The following MED12L variants were observed in gnomAD, a reference collection of about 807,000 sequenced individuals.
MED12L encodes the protein mediator of RNA polymerase II transcription subunit 12-like protein.
A neutral mutation model predicts 281.3 loss-of-function variants in MED12L; 60 were observed. That is an observed-to-expected ratio of 0.21 (90% CI 0.17 to 0.26). The LOEUF is 0.26. MED12L is among the 10% of genes least tolerant of loss of function. The probability of loss-of-function intolerance (pLI) is 1.00; values close to 1 mark genes in which losing one functional copy is unlikely to be tolerated. For missense variants in MED12L, 2,146 were observed against 2,680.9 expected, an observed-to-expected ratio of 0.80 and a Z score of 4.41; for synonymous variants, 974 against 987.2, an observed-to-expected ratio of 0.99 and a Z score of 0.25.
At chr3:151,116,893 C>T (rs573698252) in intron 3 of MED12L, among the ~76,000 whole-genome samples, 5 of 152,232 alleles carry the variant, frequency 3.3e-5, no homozygotes, top group Non-Finnish European at 5.9e-5. Flanking sequence ...TCGCTTGGTC[C>T]GGGTGGTGTC....
rs189642640 is a variant in MED12L at position 151,192,592 on chromosome 3, A to T, written c.2011A>T (p.Thr671Ser). The T allele has an allele frequency of 1.8e-5, 28 of 1,536,366 alleles. No individual in the cohort carries two copies. The African/African-American group carries it at 2.9e-4, about 16-fold the overall frequency. Reference protein sequence around the residue: ...MAHMGIDSGTTNIFDEVDKSD... With the variant: ...MAHMGIDSGTSNIFDEVDKSD... ...GCATATGGGCATTGACTCAGGAACC[A>T]CTAACATTTTTGATGAAGTAGACAA... is the stretch of plus-strand genomic sequence containing the variant. The change falls in exon 15 of 45, where the codon ACT (threonine) becomes TCT (serine). Residue 671 changes from threonine (T) to serine (S), a missense_variant. By Grantham distance (58) the Thr-to-Ser change is moderately conservative. Transcript: ENST00000687756.
chr3:151,330,365 C>G (rs532928042), intron 16 of MED12L, among the ~76,000 whole-genome samples: 2 of 152,110 alleles, frequency 1.3e-5, no homozygotes, highest in Non-Finnish European at 2.9e-5. Context: ...TGGTGTATTT[C>G]GAGTGCAGAG....
chr3:151,385,995 G>A (rs1244385948), intron 36 of MED12L, among the ~76,000 whole-genome samples: 2 of 152,148 alleles, frequency 1.3e-5, no homozygotes, highest in African/African-American at 2.4e-5. Flanking sequence ...TGAGATTTGT[G>A]TGACATGGTA....
Position 151,086,932 on chromosome 3 carries a change from C to T in MED12L, c.6C>T (p.Ala2=). The change falls in exon 2 of 45, where the codon GCC becomes GCT. Residue 2 remains alanine (A), a synonymous_variant. Coordinates refer to ENST00000687756, the MANE Select transcript of MED12L (RefSeq NM_001393769.1). M[A]AFGLLSYEQR... ...GCCGGTTAACATGAGAGATCATGGC[C>T]GCCTTCGGGCTTCTCAGCTATGAGC... The T allele has an allele frequency of 3.8e-6, 6 of 1,595,138 alleles. No homozygotes were observed. Among genetic ancestry groups the T allele is most frequent in the Non-Finnish European group, 5.1e-6 (6 of 1,171,854 alleles).
chr3:151,179,350 G>A lies in MED12L; in HGVS notation c.1495-5980G>A, dbSNP rs1722447879. ...GCCAGACCGAAAAAAAAAAGGGCGGGGGGTTAATCATAAGAGAAACATATA... is the reference window on the plus strand; with the variant it reads ...GCCAGACCGAAAAAAAAAAGGGCGGAGGGTTAATCATAAGAGAAACATATA... On this transcript the variant is annotated intron_variant, in intron 11 of 44. Transcript: ENST00000687756. Among the ~76,000 whole-genome samples the A allele has an allele frequency of 1.3e-5, 2 of 152,140 alleles. 1 individual carries two copies. Among genetic ancestry groups the A allele is most frequent in the Non-Finnish European group, 2.9e-5 (2 of 68,014 alleles).
At chr3:151,432,679 G>A in intron 44 of MED12L, 73 bp from the exon 45 acceptor site, 2 of 1,104,480 alleles carry the variant, frequency 1.8e-6, no homozygotes, top group Non-Finnish European at 2.7e-6. Flanking sequence ...TGAGAGCAGT[G>A]ACAAGAGGGT....
intron 23 of MED12L, among the ~76,000 whole-genome samples, chr3:151,366,717 C>T (rs1475317204): frequency 6.6e-6 from 1 of 152,132 alleles, no homozygotes; most frequent in Non-Finnish European, 1.5e-5. Context: ...TTCTGCTAAT[C>T]AGGACTGGTT....
chr3:151,240,625 C>CT (rs78129789), intron 16 of MED12L, among the ~76,000 whole-genome samples: 8,660 of 152,252 alleles, frequency 0.057, 268 homozygotes, highest in East Asian at 0.12. Flanking sequence ...TAAGCATCTC[C>CT]TTTATCTACC....
At position 151,268,910 on chromosome 3, in the gene MED12L, A is replaced by G. The variant is rs1244115410; in HGVS notation, c.2250+75244A>G. 4.6e-5 allele frequency among the ~76,000 whole-genome samples: 7 copies of G among 152,180 alleles called. No individual in the cohort carries two copies. In the South Asian group the frequency reaches 8.3e-4, roughly 18 times the overall value. ...TTAGTATGCAAAATTTTTTAGCCAC[A>G]AAACAAAAAAAATTAAGTTTTCTGA... On this transcript the variant is annotated intron_variant, in intron 16 of 44. Coordinates refer to ENST00000687756, the MANE Select transcript of MED12L (RefSeq NM_001393769.1).
rs1714769450 is a variant in MED12L at position 151,127,921 on chromosome 3, G to A, written c.493G>A (p.Ala165Thr). ...RATWLIKMTCAYYSAISEAKI... is the reference protein window; with the variant it reads ...RATWLIKMTCTYYSAISEAKI... Reference sequence around the variant, plus strand: ...AACGTGGCTGATCAAGATGACTTGTGCCTATTATTCTGCTATATCTGAAGC... The same window carrying A: ...AACGTGGCTGATCAAGATGACTTGTACCTATTATTCTGCTATATCTGAAGC... The change falls in exon 5 of 45, where the codon GCC (alanine) becomes ACC (threonine). Residue 165 changes from alanine to threonine, a missense_variant. This residue lies in a region of MED12L where 722 missense variants were observed against 861.2 expected (regional missense o/e 0.84). Coordinates refer to ENST00000687756, the MANE Select transcript of MED12L (RefSeq NM_001393769.1). 6.2e-7 allele frequency: 1 copy of A among 1,613,932 alleles called. No individual in the cohort carries two copies. Among genetic ancestry groups the A allele is most frequent in the African/African-American group, 1.3e-5 (1 of 74,908 alleles).
intron 11 of MED12L, among the ~76,000 whole-genome samples, chr3:151,168,214 A>G (rs1405283094): frequency 6.6e-6 from 1 of 152,200 alleles, no homozygotes; most frequent in Admixed American, 6.5e-5. Context: ...GGTGCTTGCA[A>G]TGAGCCATTA....
intron 16 of MED12L, chr3:151,212,437 C>T (rs1374686586): frequency 6.6e-6 from 1 of 152,094 alleles, no homozygotes; most frequent in Non-Finnish European, 1.5e-5. Context: ...GGTCTCCTTT[C>T]CCATTCGCCA....
At chr3:151,292,520 CT>C (rs745952340) in intron 16 of MED12L, among the ~76,000 whole-genome samples, 3 of 146,474 alleles carry the variant, frequency 2.0e-5, no homozygotes, top group Admixed American at 6.9e-5. Flanking sequence ...AGCTCCTGAC[CT>C]TGGCTTCCCT....
At chr3:151,255,483 G>T (rs1339154234) in intron 16 of MED12L, among the ~76,000 whole-genome samples, 1 of 152,044 alleles carries the variant, frequency 6.6e-6, no homozygotes, top group Non-Finnish European at 1.5e-5. Context: ...GGCGGTTTGG[G>T]TATAAATGCC....
Position 151,190,823 on chromosome 3 carries a change from C to T in MED12L, c.1860C>T (p.Thr620=), listed in dbSNP as rs1723874753. 1 of 1,614,166 alleles carries T rather than the reference C, an allele frequency of 6.2e-7. No individual in the cohort carries two copies. The highest frequency in any genetic ancestry group is 1.3e-5 in the African/African-American group (1 of 75,028). The change falls in exon 14 of 45, where the codon ACC becomes ACT. Residue 620 remains threonine, a synonymous_variant. Transcript: ENST00000687756. ...TCTCCCATGACGCATACATGTGTACCCTCATATCTCGAGGAGATTTGTCAG... is the reference window on the plus strand; with the variant it reads ...TCTCCCATGACGCATACATGTGTACTCTCATATCTCGAGGAGATTTGTCAG... ...DVFSHDAYMC[T]LISRGDLSVT... is the part of the protein sequence containing the mutation.
intron 5 of MED12L, among the ~76,000 whole-genome samples, chr3:151,131,233 C>G (rs956519601): frequency 1.3e-5 from 2 of 152,016 alleles, no homozygotes; most frequent in African/African-American, 4.8e-5. Context: ...AATCTGACTT[C>G]GACTGCTACA....
chr3:151,433,248 C>T lies in MED12L; in HGVS notation c.*444C>T, dbSNP rs1252425138. The T allele has an allele frequency of 1.3e-5, 2 of 153,980 alleles. No homozygotes were observed. The highest frequency in any genetic ancestry group is 4.8e-5 in the African/African-American group (2 of 41,396). 9.5% of individuals were successfully genotyped at this position (153,980 alleles called of 1,614,324 possible). A position where few individuals can be genotyped will look rare whatever the true frequency, so the allele number is the denominator to read the frequency against. Reference sequence around the variant, plus strand: ...TACTGATTTGAAAGGCATGTCAGATCTTGACAGAAACATGGCCTGTTTATT... The same window carrying T: ...TACTGATTTGAAAGGCATGTCAGATTTTGACAGAAACATGGCCTGTTTATT... On this transcript the variant is annotated 3_prime_UTR_variant, in exon 45 of 45. Transcript: ENST00000687756.
intron 11 of MED12L, among the ~76,000 whole-genome samples, chr3:151,176,076 C>T (rs564291580): frequency 1.3e-5 from 2 of 152,176 alleles, no homozygotes; most frequent in African/African-American, 4.8e-5. Flanking sequence ...TCGTTCAGCC[C>T]ACAGTGTGGA....
intron 16 of MED12L, chr3:151,278,226 T>G (rs961163877): frequency 2.6e-5 from 4 of 152,252 alleles, no homozygotes; most frequent in African/African-American, 4.8e-5. Flanking sequence ...AGAAATCTTT[T>G]CTGTTCCCAT....
Sources: allele counts gnomAD v4.1 joint callset (sites outside exome capture counted in the v4.1 genomes callset), GRCh38; gene constraint gnomAD v4.1.1; regional missense constraint gnomAD v4.1.1; transcripts MANE v1.5; gene names NCBI Gene and HGNC (gene_info 2026-07-23, HGNC 2026-07-21).